Variants in AAMDC observed in about 807,000 individuals in gnomAD.
AAMDC encodes the protein mth938 domain-containing protein.
Under a neutral mutation model 15.5 loss-of-function variants are expected in AAMDC, and 16 were observed. That is an observed-to-expected ratio of 1.03 (90% CI 0.70 to 1.57). AAMDC has a LOEUF of 1.57. AAMDC is among the 40% of genes most tolerant of loss of function. The pLI is 0.00. For missense variants in AAMDC, 141 were observed against 144.9 expected (o/e 0.97, Z 0.14); for synonymous variants, 51 against 51.6 (o/e 0.99, Z 0.05).
chr11:77,872,145 T>A, intron 3 of AAMDC, 30 bp from the exon 4 acceptor site: 1 of 1,603,782 alleles, frequency 6.2e-7, no homozygotes, highest in South Asian at 1.1e-5. Flanking sequence ...CCTTTCCCCC[T>A]ACTTACTCAT....
At chr11:77,868,919 T>C (rs1217494862) in intron 2 of AAMDC, 6 of 215,540 alleles carry the variant, frequency 2.8e-5, no homozygotes, top group East Asian at 2.3e-4. Context: ...ATGTGCTCAA[T>C]AGGCACAATT....
At chr11:77,856,140 C>T (rs970475728) in intron 2 of AAMDC, among the ~76,000 whole-genome samples, 2 of 152,120 alleles carry the variant, frequency 1.3e-5, no homozygotes, top group Non-Finnish European at 2.9e-5. Context: ...AAAGGTCTTC[C>T]ACCAGATACC....
chr11:77,854,676 C>T (rs573737786), intron 2 of AAMDC, among the ~76,000 whole-genome samples: 8 of 152,310 alleles, frequency 5.3e-5, no homozygotes, highest in Admixed American at 5.2e-4. Flanking sequence ...CTTTCGTGGG[C>T]TGGCATTGAG....
At chr11:77,837,891 AAAAT>A (rs571558505) in intron 1 of AAMDC, among the ~76,000 whole-genome samples, 1 of 152,032 alleles carries the variant, frequency 6.6e-6, no homozygotes, top group Admixed American at 6.6e-5. Flanking sequence ...CCTGGCTCTA[AAAAT>A]AAATAAATAA....
rs532440350 is a variant in AAMDC, at chr11:77,880,924, A to AAAAC, written c.328+3895_328+3898dup. 2.8e-3 allele frequency among the ~76,000 whole-genome samples: 431 copies of AAAAC among 152,256 alleles called. 2 individuals are homozygous for AAAAC. Among genetic ancestry groups the AAAAC allele is most frequent in the East Asian group, 8.9e-3 (46 of 5,188 alleles). On this transcript the variant is annotated intron_variant, in intron 5 of 5. Coordinates refer to the AAMDC transcript ENST00000304716. ...GGGCAACAGAAGGAAACCCTGTCTC[A>AAAAC]AAACAAACAAACAAACAAACAAAAA...
downstream of AAMDC, among the ~76,000 whole-genome samples, chr11:77,874,322 G>C (rs1951539709): frequency 6.6e-6 from 1 of 151,722 alleles, no homozygotes; most frequent in South Asian, 2.1e-4. Context: ...CCTCTGTATA[G>C]CTAAGAAGGA....
chr11:77,875,935 C>T (rs570185910), downstream of AAMDC, among the ~76,000 whole-genome samples: 17 of 152,180 alleles, frequency 1.1e-4, no homozygotes, highest in African/African-American at 2.9e-4. Flanking sequence ...AGGCTGGAAA[C>T]GAAGCAGAGC....
Position 77,831,636 on chromosome 11 carries a change from A to T in AAMDC, c.-19+10395A>T, listed in dbSNP as rs151192977. ...TCTCCCAAGCCATGCTTACTATGGGATGTAATTTCTTCCACACAACATGAA... is the reference window on the plus strand; with the variant it reads ...TCTCCCAAGCCATGCTTACTATGGGTTGTAATTTCTTCCACACAACATGAA... On this transcript the variant is annotated intron_variant, in intron 1 of 3. Transcript: ENST00000393427. Among the ~76,000 whole-genome samples, 11 of 151,116 alleles carry T rather than the reference A, an allele frequency of 7.3e-5. No homozygotes were observed. In the East Asian group the frequency reaches 2.0e-3, roughly 27 times the overall value.
chr11:77,838,184 G>A (rs1949771684), intron 1 of AAMDC, among the ~76,000 whole-genome samples: 1 of 151,988 alleles, frequency 6.6e-6, no homozygotes, highest in East Asian at 1.9e-4. Context: ...TGGTTAAGGA[G>A]ACACATATAG....
In AAMDC at chr11:77,854,135, C is replaced by T. The variant is rs550100112; in HGVS notation, c.132+11507C>T. ...CCTCCTGAGTAGCTGGGACTACAGG[C>T]GCCCGCCACCACACCCAGCTAATTT... On this transcript the variant is annotated intron_variant, in intron 2 of 3. Coordinates refer to ENST00000393427, the MANE Select transcript of AAMDC (RefSeq NM_024684.4). Among the ~76,000 whole-genome samples the T allele has an allele frequency of 2.5e-3, 379 of 151,814 alleles. 4 individuals carry two copies. Among genetic ancestry groups the T allele is most frequent in the African/African-American group, 8.6e-3 (356 of 41,436 alleles).
chr11:77,856,148 AC>A (rs1215355725), intron 2 of AAMDC, among the ~76,000 whole-genome samples: 3 of 152,092 alleles, frequency 2.0e-5, no homozygotes, highest in African/African-American at 7.2e-5. Flanking sequence ...TCCACCAGAT[AC>A]CCTAAATCAT....
At chr11:77,845,938 A>G (rs1329871126) in intron 2 of AAMDC, among the ~76,000 whole-genome samples, 2 of 151,720 alleles carry the variant, frequency 1.3e-5, no homozygotes, top group South Asian at 2.1e-4. Flanking sequence ...GTTTCCCCCA[A>G]TCCCCATATG....
chr11:77,883,911 C>T (rs1170486189), intron 5 of AAMDC: 1 of 1,613,258 alleles, frequency 6.2e-7, no homozygotes, highest in Admixed American at 1.7e-5. Flanking sequence ...AGTCTGCAGG[C>T]TTGGGGTGAA....
chr11:77,884,895 C>T (rs1247422263), intron 5 of AAMDC: 4 of 251,952 alleles, frequency 1.6e-5, no homozygotes, highest in Non-Finnish European at 3.4e-5. Context: ...GTGGGGATTA[C>T]AGGCACGTGC....
intron 3 of AAMDC, 179 bp downstream of exon 3, chr11:77,869,996 T>TACCTA: frequency 2.0e-6 from 1 of 497,022 alleles, no homozygotes; most frequent in Non-Finnish European, 3.6e-6. Flanking sequence ...CTCTCCAGTC[T>TACCTA]ACCTAACCCT....
At chr11:77,887,961 G>A (rs1467336034) in intron 5 of AAMDC, among the ~76,000 whole-genome samples, 5 of 152,172 alleles carry the variant, frequency 3.3e-5, no homozygotes, top group Non-Finnish European at 2.9e-5. Context: ...ATGCTCATGG[G>A]TAGGAAGAAT....
At chr11:77,889,720 G>A (rs1197250054) in intron 5 of AAMDC, among the ~76,000 whole-genome samples, 6 of 152,120 alleles carry the variant, frequency 3.9e-5, no homozygotes, top group South Asian at 2.1e-4. Flanking sequence ...GAATGACTCC[G>A]GGTGTGGTGA....
chr11:77,877,861 AG>A (rs1288811307), intron 5 of AAMDC, among the ~76,000 whole-genome samples: 2 of 152,110 alleles, frequency 1.3e-5, no homozygotes, highest in Non-Finnish European at 2.9e-5. Flanking sequence ...CTGGGATTAT[AG>A]GCATGAGCCA....
chr11:77,837,254 G>A (rs1949723930), intron 1 of AAMDC, among the ~76,000 whole-genome samples: 1 of 151,188 alleles, frequency 6.6e-6, no homozygotes, highest in Non-Finnish European at 1.5e-5. Context: ...TCCTGCCTCA[G>A]TCTACCGAGT....
Sources: gnomAD v4.1 joint callset for allele counts (sites outside exome capture counted in the v4.1 genomes callset) on GRCh38, gnomAD v4.1.1 for gene constraint, MANE v1.5 for transcripts, NCBI Gene and HGNC (gene_info 2026-07-23, HGNC 2026-07-21) for gene names.